Variants in ZBTB1 observed in about 807,000 individuals in gnomAD.
ZBTB1 encodes the protein zinc finger and BTB domain containing 1.
ZBTB1 carries 13 observed loss-of-function variants against 51.6 expected under a neutral mutation model. That is an observed-to-expected ratio of 0.25 (90% CI 0.16 to 0.40). ZBTB1 has a LOEUF of 0.40. Among genes scored for constraint, ZBTB1 ranks in the 10% least tolerant of loss-of-function variants. The probability of loss-of-function intolerance (pLI) is 1.00; values close to 1 mark genes in which losing one functional copy is unlikely to be tolerated. For missense variants in ZBTB1, 567 were observed against 856.5 expected, an observed-to-expected ratio of 0.66 and a Z score of 4.22; for synonymous variants, 240 against 282.2, an observed-to-expected ratio of 0.85 and a Z score of 1.50.
intron 2 of ZBTB1, among the ~76,000 whole-genome samples, chr14:64,530,181 C>T (rs1044896121): frequency 3.3e-5 from 5 of 152,112 alleles, no homozygotes; most frequent in African/African-American, 7.2e-5. Context: ...ATCTGGCTAC[C>T]GTCTGCCAAA....
intron 2 of ZBTB1, chr14:64,531,728 C>T (rs2079943293): frequency 4.2e-6 from 4 of 945,788 alleles, no homozygotes; most frequent in Non-Finnish European, 6.5e-6. Flanking sequence ...TGTTTCTATT[C>T]TCTGTTCTGT....
Position 64,522,207 on chromosome 14 carries a change from G to A in ZBTB1, c.703G>A (p.Val235Met), listed in dbSNP as rs771531324. The change falls in exon 2 of 2, where the codon GTG becomes ATG. Residue 235 changes from valine to methionine, a missense_variant. Transcript: ENST00000683701. Reference protein sequence around the residue: ...FSCEKLLDEHVLTCTNRHLYQ... With the variant: ...FSCEKLLDEHMLTCTNRHLYQ... ...CTGTGAAAAATTATTAGATGAGCAT[G>A]TGCTAACCTGTACTAACAGACATTT... 6.2e-6 allele frequency: 10 copies of A among 1,614,204 alleles called. No homozygotes were observed. The South Asian group carries it at 8.8e-5, about 14-fold the overall frequency.
chr14:64,505,426 T>C (rs9323452), intron 1 of ZBTB1, among the ~76,000 whole-genome samples: 34,861 of 152,100 alleles, frequency 0.23, 4,661 homozygotes, highest in Non-Finnish European at 0.31. Flanking sequence ...CAAATTCTTG[T>C]TACGCTGTTT....
At chr14:64,505,071 G>A (rs1438312776) in intron 1 of ZBTB1, 125 bp downstream of exon 1, 1 of 365,688 alleles carries the variant, frequency 2.7e-6, no homozygotes, top group Non-Finnish European at 4.9e-6. Context: ...CCGGAGCGCG[G>A]CGGACGCGCT....
chr14:64,513,169 C>T (rs1021518663), intron 1 of ZBTB1, among the ~76,000 whole-genome samples: 1 of 151,752 alleles, frequency 6.6e-6, no homozygotes, highest in African/African-American at 2.4e-5. Context: ...TACACACATA[C>T]ATGTATATAC....
rs753923884 is a variant in ZBTB1 at position 64,523,422 on chromosome 14, G to A, written c.1918G>A (p.Asp640Asn). 29 of 1,614,056 alleles carry A rather than the reference G, an allele frequency of 1.8e-5. No homozygotes were observed. The highest frequency in any genetic ancestry group is 5.0e-5 in the Admixed American group (3 of 60,004). Reference protein sequence around the residue: ...GMARYVCSICDQGNFRKHDHV... With the variant: ...GMARYVCSICNQGNFRKHDHV... Reference sequence around the variant, plus strand: ...GGCCAGGTATGTCTGTTCCATTTGTGATCAAGGAAACTTCAGAAAACATGA... The same window carrying A: ...GGCCAGGTATGTCTGTTCCATTTGTAATCAAGGAAACTTCAGAAAACATGA... Residue 640 changes from aspartate (D) to asparagine (N), a missense_variant, in exon 2 of 2, where the codon GAT (aspartate) becomes AAT (asparagine). Asp to Asn is a conservative substitution (Grantham distance 23). This residue lies in a region of ZBTB1 where 69 missense variants were observed against 171.8 expected (regional missense o/e 0.40). Coordinates refer to ENST00000683701, the MANE Select transcript of ZBTB1 (RefSeq NM_001123329.2). This position sits in a 1 kb window ranked among gnomAD's most constrained non-coding sequence, Gnocchi z 4.5.
downstream of ZBTB1, among the ~76,000 whole-genome samples, chr14:64,527,322 A>G (rs2079910876): frequency 6.6e-6 from 1 of 151,718 alleles, no homozygotes; most frequent in African/African-American, 2.4e-5. Flanking sequence ...TAAAAATACA[A>G]AAGTTAGGCC....
intron 1 of ZBTB1, among the ~76,000 whole-genome samples, chr14:64,516,223 G>A (rs567849825): frequency 1.3e-5 from 2 of 152,136 alleles, no homozygotes; most frequent in Non-Finnish European, 2.9e-5. Flanking sequence ...ATGATGGCAT[G>A]CCAGCCTGGG....
intron 1 of ZBTB1, among the ~76,000 whole-genome samples, chr14:64,516,096 A>G (rs1314464145): frequency 6.6e-6 from 1 of 152,118 alleles, no homozygotes; most frequent in Non-Finnish European, 1.5e-5. Context: ...TTAGCCAGTC[A>G]TGGTGGCGTA....
intron 1 of ZBTB1, among the ~76,000 whole-genome samples, chr14:64,509,707 C>G (rs1245505077): frequency 1.3e-5 from 2 of 151,730 alleles, no homozygotes; most frequent in African/African-American, 2.4e-5. Context: ...TGTGGTGGCT[C>G]ACGCTTGTAA....
At position 64,522,999 on chromosome 14, in the gene ZBTB1, G is replaced by T; in HGVS notation, c.1495G>T (p.Glu499Ter). The change falls in exon 2 of 2, where the codon GAA becomes TAA. Residue 499 changes from glutamate (E) to a stop codon, truncating the protein, a stop_gained. Coordinates refer to ENST00000683701, the MANE Select transcript of ZBTB1 (RefSeq NM_001123329.2). LOFTEE classifies it high-confidence loss of function. ...DLEENPDEQS[E>*]IRDMFVEMLD... is the part of the protein sequence containing the mutation. ...GGAAGAGAATCCTGATGAGCAGTCCGAAATAAGAGATATGTTTGTTGAAAT... is the reference window on the plus strand; with the variant it reads ...GGAAGAGAATCCTGATGAGCAGTCCTAAATAAGAGATATGTTTGTTGAAAT... 6.2e-7 allele frequency: 1 copy of T among 1,614,168 alleles called. No homozygotes were observed. Among genetic ancestry groups the T allele is most frequent in the East Asian group, 2.2e-5 (1 of 44,888 alleles).
At chr14:64,508,038 T>C (rs2079685398) in intron 1 of ZBTB1, among the ~76,000 whole-genome samples, 1 of 152,162 alleles carries the variant, frequency 6.6e-6, no homozygotes, top group African/African-American at 2.4e-5. Context: ...AAGAGACTGA[T>C]ACTGGGGAGG....
intron 1 of ZBTB1, among the ~76,000 whole-genome samples, chr14:64,517,781 A>ATATATATATTTTTTTT (rs1160337478): frequency 3.1e-4 from 13 of 41,554 alleles, no homozygotes; most frequent in East Asian, 7.8e-4. Flanking sequence ...ATATATATAT[A>ATATATATATTTTTTTT]TTTTTTTTTT....
At position 64,523,978 on chromosome 14, in the gene ZBTB1, ATG is replaced by A; in HGVS notation, c.*336_*337del. The A allele has an allele frequency of 2.0e-6, 2 of 1,000,478 alleles. No homozygotes were observed. The highest frequency in any genetic ancestry group is 2.4e-6 in the Non-Finnish European group (2 of 829,434). The allele number at this position is 1,000,478 out of a possible 1,614,324, so 62.0% of individuals were successfully genotyped here. On this transcript the variant is annotated 3_prime_UTR_variant, in exon 2 of 2. Transcript: ENST00000683701. The surrounding 1 kb of genome is among the most constrained non-coding windows in gnomAD (Gnocchi z 4.5). ...ATAAGGTGATGACTTCACTATTTCT[ATG>A]TGTTTTTTTTTTTTTAAGGTTATCC...
chr14:64,532,014 A>G, exon 3 of ZBTB1: 1 of 1,258,740 alleles, frequency 7.9e-7, no homozygotes, highest in Non-Finnish European at 1.1e-6. Context: ...TTCCTGACAA[A>G]CTTCCATCAA....
exon 3 of ZBTB1, chr14:64,532,000 T>C: frequency 7.1e-7 from 1 of 1,405,794 alleles, no homozygotes; most frequent in Non-Finnish European, 9.7e-7. Flanking sequence ...CCATCTTTTC[T>C]GTCTTCCTGA....
At chr14:64,517,752 TAGA>T (rs2079801917) in intron 1 of ZBTB1, among the ~76,000 whole-genome samples, 2 of 90,278 alleles carry the variant, frequency 2.2e-5, no homozygotes, top group African/African-American at 7.2e-5. Context: ...AGTTGCCATT[TAGA>T]AATATATATA....
chr14:64,521,990 G>C lies in ZBTB1; in HGVS notation c.486G>C (p.Glu162Asp). The change falls in exon 2 of 2, where the codon GAG (glutamate) becomes GAC (aspartate). Residue 162 changes from glutamate (E) to aspartate (D), a missense_variant. Physicochemically the swap from Glu to Asp is conservative, Grantham distance 45. Coordinates refer to ENST00000683701, the MANE Select transcript of ZBTB1 (RefSeq NM_001123329.2). ...ATGAAGCCAACAGGTGGTGTGCAGAGCCAAGTTCAACGGTAAATACACCAC... is the reference window on the plus strand; with the variant it reads ...ATGAAGCCAACAGGTGGTGTGCAGACCCAAGTTCAACGGTAAATACACCAC... ...NGNEANRWCA[E>D]PSSTVNTPHN... 6.2e-7 allele frequency: 1 copy of C among 1,614,220 alleles called. No individual in the cohort carries two copies. Among genetic ancestry groups the C allele is most frequent in the Non-Finnish European group, 8.5e-7 (1 of 1,180,042 alleles).
intron 1 of ZBTB1, among the ~76,000 whole-genome samples, chr14:64,514,803 T>A (rs191546484): frequency 2.0e-5 from 3 of 152,306 alleles, no homozygotes; most frequent in Admixed American, 2.0e-4. Context: ...AAGACCATAC[T>A]GTATAGTACC....
Sources: allele counts gnomAD v4.1 joint callset (sites outside exome capture counted in the v4.1 genomes callset), GRCh38; gene constraint gnomAD v4.1.1; regional missense constraint gnomAD v4.1.1; non-coding constraint Gnocchi (gnomAD v3.1); transcripts MANE v1.5; gene names NCBI Gene and HGNC (gene_info 2026-07-23, HGNC 2026-07-21).